Variants in SHTN1 observed in about 807,000 individuals in gnomAD.
SHTN1 encodes shootin-1.
SHTN1 carries 42 observed loss-of-function variants against 83.1 expected under a neutral mutation model. The observed-to-expected ratio is 0.51, with a 90% CI of 0.39 to 0.65. The LOEUF is 0.65. Among genes scored for constraint, SHTN1 ranks in the 30% least tolerant of loss-of-function variants. The probability of loss-of-function intolerance (pLI) is 0.00; values close to 1 mark genes in which losing one functional copy is unlikely to be tolerated. For missense variants in SHTN1, 622 were observed against 737.8 expected, an observed-to-expected ratio of 0.84 and a Z score of 1.82; for synonymous variants, 224 against 247.7, an observed-to-expected ratio of 0.90 and a Z score of 0.90.
At chr10:117,083,227 C>T in intron 1 of SHTN1, among the ~76,000 whole-genome samples, 1 of 127,650 alleles carries the variant, frequency 7.8e-6, no homozygotes, top group African/African-American at 2.6e-5. Flanking sequence ...TTAGGGCAGT[C>T]CTGGTGGTGA....
At chr10:116,900,451 T>C in intron 16 of SHTN1, 1 of 1,234,376 alleles carries the variant, frequency 8.1e-7, no homozygotes, top group Non-Finnish European at 1.1e-6. Flanking sequence ...TTTCATTTCC[T>C]TTCTTGGAAA....
chr10:117,042,366 G>A (rs932096356), intron 2 of SHTN1, among the ~76,000 whole-genome samples: 3 of 152,172 alleles, frequency 2.0e-5, no homozygotes, highest in Non-Finnish European at 4.4e-5. Context: ...TGGTGCTCAA[G>A]TCTGAGGTTC....
chr10:116,972,042 G>A (rs1850637063), intron 2 of SHTN1, among the ~76,000 whole-genome samples: 1 of 152,212 alleles, frequency 6.6e-6, no homozygotes, highest in African/African-American at 2.4e-5. Context: ...AGGTAGGCTT[G>A]TACTAGTTGC....
chr10:116,920,903 C>T (rs1008612283), intron 12 of SHTN1, among the ~76,000 whole-genome samples: 12 of 152,186 alleles, frequency 7.9e-5, no homozygotes, highest in African/African-American at 2.9e-4. Flanking sequence ...CACAACTACT[C>T]AGCTTGAACA....
At position 116,940,415 on chromosome 10, in the gene SHTN1, G is replaced by A. The variant is rs116041094; in HGVS notation, c.858+51C>T. ...CTCCCTTCATCTTAAATATATGTGT[G>A]TATGCATGTATGTGTGTGTGTACCT... On this transcript the variant is annotated intron_variant, in intron 9 of 16. Transcript: ENST00000355371. 1.4e-3 allele frequency: 2,207 copies of A among 1,559,154 alleles called. 23 individuals are homozygous for A. In the African/African-American group the frequency reaches 0.022, roughly 15 times the overall value.
Position 116,884,561 on chromosome 10 carries a change from GAA to G in SHTN1, c.*1781_*1782del. 3.7e-6 allele frequency: 1 copy of G among 273,590 alleles called. No homozygotes were observed. Among genetic ancestry groups the G allele is most frequent in the South Asian group, 3.6e-5 (1 of 27,778 alleles). 16.9% of individuals were successfully genotyped at this position (273,590 alleles called of 1,614,324 possible). On this transcript the variant is annotated 3_prime_UTR_variant, in exon 17 of 17. Coordinates refer to ENST00000355371, the MANE Select transcript of SHTN1 (RefSeq NM_001127211.3). ...TTCTGTGATGGTGTGATGAAATATGGAAAGACAGTGTACATATTTTTATATTC... is the reference window on the plus strand; with the variant it reads ...TTCTGTGATGGTGTGATGAAATATGGAGACAGTGTACATATTTTTATATTC...
At chr10:117,124,399 T>C (rs1410716452) in intron 1 of SHTN1, among the ~76,000 whole-genome samples, 1 of 152,166 alleles carries the variant, frequency 6.6e-6, no homozygotes, top group African/African-American at 2.4e-5. Flanking sequence ...GGTATACCAG[T>C]ACTCAGAAAA....
At chr10:116,951,617 G>C (rs1047793694) in intron 6 of SHTN1, among the ~76,000 whole-genome samples, 52 of 152,210 alleles carry the variant, frequency 3.4e-4, no homozygotes, top group African/African-American at 1.2e-3. Context: ...ACTTGAAATA[G>C]TAGCTACTAT....
intron 1 of SHTN1, among the ~76,000 whole-genome samples, chr10:117,058,299 A>G (rs1852854177): frequency 6.6e-6 from 1 of 152,222 alleles, no homozygotes; most frequent in African/African-American, 2.4e-5. Flanking sequence ...TAAAAGCCAG[A>G]CTATATAGAG....
chr10:116,913,809 T>TA (rs1227441984), intron 13 of SHTN1, among the ~76,000 whole-genome samples: 5 of 152,112 alleles, frequency 3.3e-5, no homozygotes, highest in African/African-American at 1.2e-4. Flanking sequence ...GCAGGTGCTA[T>TA]CCCCATCTTG....
chr10:117,101,426 A>T (rs947901677), intron 1 of SHTN1, among the ~76,000 whole-genome samples: 5 of 152,242 alleles, frequency 3.3e-5, no homozygotes, highest in African/African-American at 9.6e-5. Flanking sequence ...TCCAAGGGAT[A>T]AGAGAACAGC....
chr10:117,044,467 T>C (rs964001583), intron 2 of SHTN1, among the ~76,000 whole-genome samples: 6 of 152,166 alleles, frequency 3.9e-5, no homozygotes, highest in African/African-American at 1.4e-4. Context: ...ATGATGTAAT[T>C]TGTGTCTGAA....
chr10:116,973,226 T>G (rs1420068579), intron 2 of SHTN1, among the ~76,000 whole-genome samples: 1 of 152,204 alleles, frequency 6.6e-6, no homozygotes, highest in Non-Finnish European at 1.5e-5. Flanking sequence ...GTATACGTTA[T>G]GCAAGAAAAA....
chr10:117,117,405 C>T (rs1853864424), intron 1 of SHTN1, among the ~76,000 whole-genome samples: 1 of 151,976 alleles, frequency 6.6e-6, no homozygotes, highest in African/African-American at 2.4e-5. Flanking sequence ...GAAGAGGACA[C>T]AAAAAATGAA....
intron 2 of SHTN1, among the ~76,000 whole-genome samples, chr10:116,970,259 CA>C (rs777150030): frequency 1.2e-4 from 19 of 152,106 alleles, no homozygotes; most frequent in Non-Finnish European, 2.4e-4. Context: ...TATGACTCAG[CA>C]ATTCTACTTC....
chr10:116,962,953 C>T (rs1466613216), intron 3 of SHTN1, among the ~76,000 whole-genome samples: 3 of 147,212 alleles, frequency 2.0e-5, no homozygotes, highest in Non-Finnish European at 4.5e-5. Context: ...ACCCCATTTC[C>T]AAAACCAAAA....
chr10:116,922,221 A>T (rs112606469), intron 11 of SHTN1, among the ~76,000 whole-genome samples: 1,663 of 152,310 alleles, frequency 0.011, 20 homozygotes, highest in Middle Eastern at 0.027. Context: ...CAAAAGAGGT[A>T]CTTGACTTCA....
chr10:117,012,259 T>C (rs1195808382), intron 2 of SHTN1, among the ~76,000 whole-genome samples: 1 of 151,440 alleles, frequency 6.6e-6, no homozygotes, highest in African/African-American at 2.4e-5. Context: ...GATCATAAAA[T>C]GTATTATGGA....
chr10:117,038,586 AT>A (rs1414656064), intron 2 of SHTN1, among the ~76,000 whole-genome samples: 8 of 152,216 alleles, frequency 5.3e-5, no homozygotes, highest in African/African-American at 1.9e-4. Flanking sequence ...TGCAAAAGAC[AT>A]CTTATAAAGG....
Sources: gnomAD v4.1 joint callset for allele counts (sites outside exome capture counted in the v4.1 genomes callset) on GRCh38, gnomAD v4.1.1 for gene constraint, MANE v1.5 for transcripts, NCBI Gene and HGNC (gene_info 2026-07-23, HGNC 2026-07-21) for gene names.